The following CDK17 variants were observed in gnomAD, a reference collection of about 807,000 sequenced individuals.
CDK17 encodes cyclin-dependent kinase 17.
Under a neutral mutation model 77.6 loss-of-function variants are expected in CDK17, and 24 were observed. That is an observed-to-expected ratio of 0.31 (90% CI 0.22 to 0.44). The LOEUF is 0.44. Among genes scored for constraint, CDK17 ranks in the 20% least tolerant of loss-of-function variants. CDK17 has a pLI of 1.00. For synonymous variants in CDK17, 203 were observed against 210.4 expected (o/e 0.96, Z 0.30); for missense variants, 429 against 622.5 (o/e 0.69, Z 3.31).
chr12:96,298,441 T>G (rs1333865689), intron 7 of CDK17, among the ~76,000 whole-genome samples: 1 of 152,218 alleles, frequency 6.6e-6, no homozygotes, highest in African/African-American at 2.4e-5. Flanking sequence ...TGGCATTAAT[T>G]TAGATATAAA....
intron 1 of CDK17, among the ~76,000 whole-genome samples, chr12:96,358,550 C>T (rs1218035414): frequency 6.6e-6 from 1 of 152,084 alleles, no homozygotes. Flanking sequence ...GGGCCGGGCA[C>T]ATGGCTCACA....
intron 1 of CDK17, among the ~76,000 whole-genome samples, chr12:96,351,650 A>T (rs774467859): frequency 1.2e-4 from 19 of 152,360 alleles, no homozygotes; most frequent in Middle Eastern, 6.8e-3. Context: ...ATGCTTAAAA[A>T]TAACTAAAAT....
intron 2 of CDK17, among the ~76,000 whole-genome samples, chr12:96,329,545 C>T (rs1952938267): frequency 6.6e-6 from 1 of 152,138 alleles, no homozygotes; most frequent in African/African-American, 2.4e-5. Flanking sequence ...ATTCCCTCCT[C>T]CCAAACCTGC....
chr12:96,336,099 T>TG (rs563102066), intron 1 of CDK17, among the ~76,000 whole-genome samples: 122 of 151,914 alleles, frequency 8.0e-4, no homozygotes, highest in Middle Eastern at 3.4e-3. Context: ...GCTTAAAAGC[T>TG]GGGGGGGGAG....
intron 1 of CDK17, among the ~76,000 whole-genome samples, chr12:96,340,038 AC>A (rs1411565185): frequency 6.6e-6 from 1 of 152,106 alleles, no homozygotes; most frequent in Admixed American, 6.5e-5. Flanking sequence ...AAATATGCCT[AC>A]AAAAATCTTA....
chr12:96,298,970 G>A lies in CDK17; in HGVS notation c.614C>T (p.Thr205Ile). Residue 205 changes from threonine to isoleucine, a missense_variant, in exon 7 of 17, where the codon ACA becomes ATA. Coordinates refer to ENST00000261211, the MANE Select transcript of CDK17 (RefSeq NM_002595.5). ...CAATTTACTTCTTCCTTTATATACT[G>A]TTGCATATGTACCCTATAAAATATA... ...LEKLGEGTYA[T>I]VYKGRSKLTE... 1 of 1,520,414 alleles carries A rather than the reference G, an allele frequency of 6.6e-7. No homozygotes were observed. The allele number at this position is 1,520,414 out of a possible 1,614,324, so 94.2% of individuals were successfully genotyped here. A position where few individuals can be genotyped will look rare whatever the true frequency, so the allele number is the denominator to read the frequency against.
chr12:96,346,262 C>T (rs1204955127), intron 1 of CDK17, among the ~76,000 whole-genome samples: 3 of 152,152 alleles, frequency 2.0e-5, no homozygotes, highest in African/African-American at 7.2e-5. Context: ...ACCAGCCTGG[C>T]CAACATGGTG....
intron 10 of CDK17, among the ~76,000 whole-genome samples, chr12:96,292,995 A>C (rs1241941340): frequency 6.6e-6 from 1 of 152,190 alleles, no homozygotes; most frequent in Non-Finnish European, 1.5e-5. Flanking sequence ...AAAATTATCA[A>C]AGACCTAAAG....
chr12:96,388,250 C>T (rs1215077977), intron 1 of CDK17, among the ~76,000 whole-genome samples: 1 of 152,118 alleles, frequency 6.6e-6, no homozygotes, highest in East Asian at 1.9e-4. Context: ...GAAAATGGTT[C>T]AAAGAAATAT....
rs576313690 is a variant in CDK17, at chr12:96,362,157, T to C, written c.-29-27292A>G. On this transcript the variant is annotated intron_variant, in intron 1 of 16. Transcript: ENST00000261211. ...ACTTCATGTGTCCTTTCATGGACTT[T>C]TTAAAACTTAGTCAAATAACTAATA... Among the ~76,000 whole-genome samples the C allele has an allele frequency of 5.3e-5, 8 of 152,334 alleles. No individual in the cohort carries two copies. The South Asian group carries it at 8.3e-4, about 16-fold the overall frequency.
chr12:96,308,050 G>GT (rs1397447895), intron 5 of CDK17, among the ~76,000 whole-genome samples: 1 of 151,844 alleles, frequency 6.6e-6, no homozygotes, highest in Non-Finnish European at 1.5e-5. Context: ...ATTTTTTAGA[G>GT]TATGTCACCA....
At chr12:96,284,972 A>G (rs1420516840) in intron 13 of CDK17, among the ~76,000 whole-genome samples, 2 of 152,102 alleles carry the variant, frequency 1.3e-5, no homozygotes, top group African/African-American at 2.4e-5. Flanking sequence ...GTTTTTTTCC[A>G]AGTGCTCTCA....
At chr12:96,346,596 C>A (rs1953214577) in intron 1 of CDK17, among the ~76,000 whole-genome samples, 1 of 151,676 alleles carries the variant, frequency 6.6e-6, no homozygotes, top group Admixed American at 6.6e-5. Context: ...CCACTGCACT[C>A]CAGCCTGGGC....
chr12:96,346,856 A>G (rs1953219552), intron 1 of CDK17, among the ~76,000 whole-genome samples: 2 of 151,876 alleles, frequency 1.3e-5, no homozygotes, highest in South Asian at 4.2e-4. Context: ...CAGAGGTTGC[A>G]GTGAGCCGAG....
chr12:96,280,536 G>T lies in CDK17; in HGVS notation c.1535-257C>A, dbSNP rs1311976264. 2.1e-6 allele frequency: 3 copies of T among 1,414,208 alleles called. No homozygotes were observed. In the African/African-American group the frequency reaches 4.3e-5, roughly 20 times the overall value. The allele number at this position is 1,414,208 out of a possible 1,614,324, so 87.6% of individuals were successfully genotyped here. A position where few individuals can be genotyped will look rare whatever the true frequency, so the allele number is the denominator to read the frequency against. On this transcript the variant is annotated intron_variant, in intron 16 of 16. Coordinates refer to ENST00000261211, the MANE Select transcript of CDK17 (RefSeq NM_002595.5). ...AGGTACCAGGGATGGCGTGTGCAGT[G>T]ATCAAGCCAGGTCACTTGTAAAAGG...
intron 1 of CDK17, among the ~76,000 whole-genome samples, chr12:96,375,508 A>AT (rs1479082597): frequency 9.0e-6 from 1 of 111,720 alleles, no homozygotes; most frequent in African/African-American, 3.4e-5. Flanking sequence ...TCTGATCCTA[A>AT]CCTTTTTTTT....
At chr12:96,307,012 C>T (rs916348981) in intron 5 of CDK17, among the ~76,000 whole-genome samples, 3 of 150,890 alleles carry the variant, frequency 2.0e-5, no homozygotes, top group African/African-American at 7.3e-5. Flanking sequence ...GGGAAGTAGG[C>T]AGGCCAGGCG....
chr12:96,399,477 T>TC (rs1288349843), intron 1 of CDK17: 6 of 151,964 alleles, frequency 3.9e-5, no homozygotes, highest in Non-Finnish European at 8.8e-5. Context: ...CGCCAGCGTC[T>TC]CCAAGGAGCT....
intron 5 of CDK17, among the ~76,000 whole-genome samples, chr12:96,304,539 A>AAAC (rs71097277): frequency 0.64 from 96,311 of 151,562 alleles, 31,475 homozygotes; most frequent in East Asian, 0.84. Flanking sequence ...CTGTCTCAAA[A>AAAC]AACAACAAAA....
Sources: allele counts gnomAD v4.1 joint callset (sites outside exome capture counted in the v4.1 genomes callset), GRCh38; gene constraint gnomAD v4.1.1; transcripts MANE v1.5; gene names NCBI Gene and HGNC (gene_info 2026-07-23, HGNC 2026-07-21).